Variants in RIN3 observed in about 807,000 individuals in gnomAD.
RIN3 encodes the protein Ras and Rab interactor 3, also known as RAB5 interacting protein 3.
Under a neutral mutation model 76.3 loss-of-function variants are expected in RIN3, and 54 were observed. The ratio of observed to expected loss-of-function variants is 0.71; its 90% confidence interval spans 0.57 to 0.89. The LOEUF is 0.89. Among genes scored for constraint, RIN3 ranks in the 40% least tolerant of loss-of-function variants. The pLI is 0.00. For missense variants in RIN3, 1,256 were observed against 1,322.1 expected, an observed-to-expected ratio of 0.95 and a Z score of 0.78; for synonymous variants, 576 against 564.0, an observed-to-expected ratio of 1.02 and a Z score of -0.30.
chr14:92,624,377 T>C (rs1006426173), intron 4 of RIN3, among the ~76,000 whole-genome samples: 1 of 152,074 alleles, frequency 6.6e-6, no homozygotes, highest in Non-Finnish European at 1.5e-5. Context: ...GGGGGAGGAA[T>C]CTTGGAGAGT....
At chr14:92,549,497 C>T (rs1468881442) in intron 1 of RIN3, among the ~76,000 whole-genome samples, 1 of 152,218 alleles carries the variant, frequency 6.6e-6, no homozygotes, top group Non-Finnish European at 1.5e-5. Context: ...CCACTCTGTC[C>T]CCACATTTGG....
intron 9 of RIN3, chr14:92,687,075 C>G (rs1194557087): frequency 6.6e-6 from 1 of 152,316 alleles, no homozygotes; most frequent in African/African-American, 2.4e-5. Context: ...AAGGGGGCAG[C>G]CCCGCGCGCA....
intron 2 of RIN3, among the ~76,000 whole-genome samples, chr14:92,569,582 C>A (rs1035412527): frequency 1.3e-5 from 2 of 151,678 alleles, no homozygotes; most frequent in African/African-American, 4.8e-5. Flanking sequence ...AGAGCTCCTG[C>A]CTTTTTTTTT....
intron 4 of RIN3, among the ~76,000 whole-genome samples, chr14:92,620,750 T>A (rs1029324925): frequency 6.6e-6 from 1 of 152,122 alleles, no homozygotes; most frequent in African/African-American, 2.4e-5. Context: ...GAGGCTACAG[T>A]GTTACCTAGG....
intron 6 of RIN3, among the ~76,000 whole-genome samples, chr14:92,653,384 C>G (rs965274816): frequency 6.6e-6 from 1 of 152,228 alleles, no homozygotes; most frequent in African/African-American, 2.4e-5. Context: ...CCCTTCGCCT[C>G]AAGCAGGACC....
intron 4 of RIN3, among the ~76,000 whole-genome samples, chr14:92,626,415 G>A (rs1458515135): frequency 6.6e-6 from 1 of 152,132 alleles, no homozygotes; most frequent in African/African-American, 2.4e-5. Flanking sequence ...ATCTAGCAGT[G>A]GCTTAAGTTC....
At chr14:92,673,700 T>C (rs1043705792) in intron 7 of RIN3, among the ~76,000 whole-genome samples, 1 of 152,192 alleles carries the variant, frequency 6.6e-6, no homozygotes, top group South Asian at 2.1e-4. Flanking sequence ...GAGATGGGGC[T>C]TCCCCACATT....
intron 7 of RIN3, among the ~76,000 whole-genome samples, chr14:92,665,229 T>C (rs1336790067): frequency 6.6e-6 from 1 of 152,218 alleles, no homozygotes; most frequent in Non-Finnish European, 1.5e-5. Context: ...ACTATTTGTG[T>C]ATCTGAACAT....
chr14:92,649,970 T>A (rs531040057), intron 5 of RIN3, among the ~76,000 whole-genome samples: 1 of 152,300 alleles, frequency 6.6e-6, no homozygotes, highest in African/African-American at 2.4e-5. Context: ...AGGCACCTGC[T>A]TACCCTGATT....
At chr14:92,646,068 T>G (rs1268592224) in intron 5 of RIN3, among the ~76,000 whole-genome samples, 1 of 152,102 alleles carries the variant, frequency 6.6e-6, no homozygotes, top group Non-Finnish European at 1.5e-5. Context: ...GGGAGTGGTA[T>G]CTCAATAAAG....
At chr14:92,535,339 T>C (rs1051876130) in intron 1 of RIN3, among the ~76,000 whole-genome samples, 7 of 149,778 alleles carry the variant, frequency 4.7e-5, no homozygotes, top group African/African-American at 1.2e-4. Context: ...TCTTTCTTTT[T>C]TTTTTTTTTT....
chr14:92,645,055 T>G (rs537644492), intron 5 of RIN3: 1 of 152,362 alleles, frequency 6.6e-6, no homozygotes, highest in African/African-American at 2.4e-5. Flanking sequence ...TGTGGGCCAT[T>G]GCAGCTGCTC....
At chr14:92,631,319 A>G (rs1388798331) in intron 4 of RIN3, among the ~76,000 whole-genome samples, 1 of 152,202 alleles carries the variant, frequency 6.6e-6, no homozygotes, top group East Asian at 1.9e-4. Flanking sequence ...GATTCCCCAG[A>G]GCAGGACGCC....
rs781324751 is a variant in RIN3 at position 92,547,446 on chromosome 14, G to A, written c.45-8305G>A. Reference sequence around the variant, plus strand: ...GTCTTGCTCTGTCACCCAGGCTGGAGTGCAGTGGTGTGAACACAGCTCACT... The same window carrying A: ...GTCTTGCTCTGTCACCCAGGCTGGAATGCAGTGGTGTGAACACAGCTCACT... On this transcript the variant is annotated intron_variant, in intron 1 of 9. Transcript: ENST00000216487. 3.5e-4 allele frequency among the ~76,000 whole-genome samples: 52 copies of A among 148,864 alleles called. No homozygotes were observed. The Middle Eastern group carries it at 0.021, about 59-fold the overall frequency.
intron 3 of RIN3, among the ~76,000 whole-genome samples, chr14:92,593,448 A>G (rs374498677): frequency 3.2e-4 from 49 of 151,990 alleles, no homozygotes; most frequent in African/African-American, 1.0e-3. Flanking sequence ...ATAAAGACAC[A>G]TATAGATTAA....
In RIN3 at chr14:92,648,583, C is replaced by A. The variant is rs1887286356; in HGVS notation, c.533-2999C>A. ...CCTTCCTCAGAGGCCTGACTCTCCACTCCGGCTAAGCTAATCCACTCATGG... is the reference window on the plus strand; with the variant it reads ...CCTTCCTCAGAGGCCTGACTCTCCAATCCGGCTAAGCTAATCCACTCATGG... On this transcript the variant is annotated intron_variant, in intron 5 of 9. Transcript: ENST00000216487. The surrounding 1 kb of genome is among the most constrained non-coding windows in gnomAD (Gnocchi z 4.1). Among the ~76,000 whole-genome samples the A allele has an allele frequency of 2.0e-5, 3 of 152,146 alleles. No individual in the cohort carries two copies. Among genetic ancestry groups the A allele is most frequent in the South Asian group, 4.2e-4 (2 of 4,738 alleles).
rs372153644 is a variant in RIN3, at chr14:92,676,490, C to T, written c.2351C>T (p.Ala784Val). ...TTCTTCCCAGGGAAGCCCTATGGGG[C>T]GGATGACTTCCTGCCTGTGCTCATG... ...ALGNPGKPYG[A>V]DDFLPVLMYV... The change falls in exon 8 of 10, where the codon GCG becomes GTG. Residue 784 changes from alanine (A) to valine (V), a missense_variant. By Grantham distance (64) the Ala-to-Val change is moderately conservative. Coordinates refer to ENST00000216487, the MANE Select transcript of RIN3 (RefSeq NM_024832.5). The T allele has an allele frequency of 9.3e-6, 15 of 1,614,074 alleles. No homozygotes were observed. Among genetic ancestry groups the T allele is most frequent in the South Asian group, 3.3e-5 (3 of 91,078 alleles).
At chr14:92,544,749 G>C (rs1386920484) in intron 1 of RIN3, among the ~76,000 whole-genome samples, 3 of 152,010 alleles carry the variant, frequency 2.0e-5, no homozygotes, top group African/African-American at 4.8e-5. Context: ...GAGAAGTCTA[G>C]AGAACAACAT....
Position 92,659,483 on chromosome 14 carries a change from C to A in RIN3, c.2335+14C>A, listed in dbSNP as rs750571280. ...TCGGCAACCCAGGTCAGTGGGCAGC[C>A]GGGAGGGGTCTGGGTGAGGAGCTCT... On this transcript the variant is annotated intron_variant, in intron 7 of 9. Transcript: ENST00000216487. 6.3e-7 allele frequency: 1 copy of A among 1,581,228 alleles called. No individual in the cohort carries two copies. The highest frequency in any genetic ancestry group is 1.2e-5 in the South Asian group (1 of 85,162).
Sources: allele counts gnomAD v4.1 joint callset (sites outside exome capture counted in the v4.1 genomes callset), GRCh38; gene constraint gnomAD v4.1.1; non-coding constraint Gnocchi (gnomAD v3.1); transcripts MANE v1.5; gene names NCBI Gene and HGNC (gene_info 2026-07-23, HGNC 2026-07-21).